Variants in DDX27 observed in about 807,000 individuals in gnomAD.
The protein encoded by DDX27 is DEAD-box helicase 27, also known as probable ATP-dependent RNA helicase DDX27.
Under a neutral mutation model 99.3 loss-of-function variants are expected in DDX27, and 42 were observed. That is an observed-to-expected ratio of 0.42 (90% CI 0.33 to 0.55). The LOEUF (loss-of-function observed/expected upper bound fraction) is 0.55, where lower values mean the gene tolerates loss of function less well. DDX27 is among the 20% of genes least tolerant of loss of function. The pLI, the probability that DDX27 is intolerant of heterozygous loss-of-function variation, is 0.07. For synonymous variants in DDX27, 329 were observed against 353.8 expected (o/e 0.93, Z 0.79); for missense variants, 798 against 976.8 (o/e 0.82, Z 2.44).
intron 7 of DDX27, among the ~76,000 whole-genome samples, chr20:49,226,856 A>AATTTTTT: frequency 3.5e-5 from 1 of 28,434 alleles, no homozygotes; most frequent in Non-Finnish European, 8.9e-5. Flanking sequence ...AGAGTAAAGG[A>AATTTTTT]CTTTTTTTTT....
chr20:49,219,671 G>A (rs553817349), intron 1 of DDX27, 130 bp downstream of exon 1: 2 of 974,276 alleles, frequency 2.1e-6, no homozygotes, highest in African/African-American at 3.4e-5. Context: ...ATCTCACCGG[G>A]ACCCCAAGAT....
intron 4 of DDX27, chr20:49,224,654 C>T (rs778875516): frequency 2.8e-5 from 9 of 327,264 alleles, no homozygotes; most frequent in Non-Finnish European, 4.5e-5. Flanking sequence ...GGAGCCACTG[C>T]TTCCGCCCTC....
intron 9 of DDX27, 120 bp from the exon 10 acceptor site, chr20:49,233,186 A>C: frequency 1.5e-6 from 1 of 669,648 alleles, no homozygotes; most frequent in Non-Finnish European, 2.6e-6. Flanking sequence ...AAAATAATAA[A>C]ATAGATGAGT....
Position 49,243,841 on chromosome 20 carries a change from T to C in DDX27, c.*7T>C. 1 of 1,614,162 alleles carries C rather than the reference T, an allele frequency of 6.2e-7. No individual in the cohort carries two copies. The highest frequency in any genetic ancestry group is 8.5e-7 in the Non-Finnish European group (1 of 1,180,014). ...ATACAAGAGGAGGAAGTAGCTGTCG[T>C]GGCCTGAAGAAATTCATGGGGGCAG... On this transcript the variant is annotated 3_prime_UTR_variant, in exon 21 of 21. Transcript: ENST00000618172.
rs1283952768 is a variant in DDX27 at position 49,228,897 on chromosome 20, C to G, written c.880+9C>G. ...CACCTGCCTGGCTGTGGGTGAGTTT[C>G]TGGCCAAGGGCTGCCAGCCCCTGAG... On this transcript the variant is annotated intron_variant, in intron 8 of 20. Transcript: ENST00000618172. 1 of 1,579,556 alleles carries G rather than the reference C, an allele frequency of 6.3e-7. No individual in the cohort carries two copies. The highest frequency in any genetic ancestry group is 1.1e-5 in the South Asian group (1 of 88,692).
intron 11 of DDX27, 197 bp from the exon 12 acceptor site, chr20:49,234,738 A>C: frequency 1.8e-6 from 1 of 541,020 alleles, no homozygotes; most frequent in Non-Finnish European, 3.1e-6. Context: ...TCGTCCCTGC[A>C]CTCTCTCTCA....
rs1401011094 is a variant in DDX27 at position 49,226,881 on chromosome 20, G to C, written c.706+346G>C. Among the ~76,000 whole-genome samples the C allele has an allele frequency of 5.3e-3, 17 of 3,232 alleles. 1 individual carries two copies. The highest frequency in any genetic ancestry group is 0.014 in the Non-Finnish European group (14 of 1,034). The allele number at this position is 3,232 out of a possible 152,430, so 2.1% of individuals were successfully genotyped here. A position where few individuals can be genotyped will look rare whatever the true frequency, so the allele number is the denominator to read the frequency against. ...ACTTTTTTTTTTTTTTTTTTTTTTT[G>C]AGACGGAGTCTCGCTCTGTCGCCCA... is the stretch of plus-strand genomic sequence containing the variant. On this transcript the variant is annotated intron_variant, in intron 7 of 20. Transcript: ENST00000618172.
rs200348961 is a variant in DDX27 at position 49,236,526 on chromosome 20, T to C, written c.1687+16T>C. On this transcript the variant is annotated intron_variant, in intron 14 of 20. Transcript: ENST00000618172. This position sits in a 1 kb window ranked among gnomAD's most constrained non-coding sequence, Gnocchi z 4.1. ...CTTCCCCAAGGTGAGCAGGCACCCC[T>C]GTGGCAGTGCAGAATGGCTCGGTGG... 2 of 1,553,682 alleles carry C rather than the reference T, an allele frequency of 1.3e-6. No individual in the cohort carries two copies. Among genetic ancestry groups the C allele is most frequent in the Non-Finnish European group, 1.7e-6 (2 of 1,148,922 alleles).
chr20:49,243,035 A>G lies in DDX27; in HGVS notation c.2204+354A>G, dbSNP rs567659671. 2.0e-5 allele frequency among the ~76,000 whole-genome samples: 3 copies of G among 152,180 alleles called. No individual in the cohort carries two copies. The East Asian group carries it at 5.8e-4, about 29-fold the overall frequency. On this transcript the variant is annotated intron_variant, in intron 19 of 20. Coordinates refer to ENST00000618172, the MANE Select transcript of DDX27 (RefSeq NM_017895.8). ...GTGCCCGGCGAGCCCTTGGTATTCT[A>G]ATGGAAGCTATGAGTCTTCTGCCTC...
At chr20:49,229,740 C>A (rs528518253) in intron 8 of DDX27, among the ~76,000 whole-genome samples, 1 of 151,826 alleles carries the variant, frequency 6.6e-6, no homozygotes, top group Admixed American at 6.6e-5. Flanking sequence ...CCTCCACCTC[C>A]TGGGTTCAAG....
intron 8 of DDX27, among the ~76,000 whole-genome samples, chr20:49,229,423 G>A (rs554673167): frequency 3.3e-5 from 5 of 152,082 alleles, no homozygotes; most frequent in African/African-American, 4.8e-5. Context: ...CATTTTTTTC[G>A]TGGTACTGAA....
chr20:49,224,306 G>T (rs1191515368), intron 4 of DDX27, among the ~76,000 whole-genome samples: 1 of 151,926 alleles, frequency 6.6e-6, no homozygotes, highest in Non-Finnish European at 1.5e-5. Flanking sequence ...ACTCATTTGG[G>T]GTGACATACT....
chr20:49,232,872 C>T (rs1324077341), intron 9 of DDX27: 4 of 156,960 alleles, frequency 2.5e-5, no homozygotes, highest in African/African-American at 5.0e-5. Context: ...CCCGGGAGGC[C>T]GAGATTGTGC....
At chr20:49,232,193 C>G (rs1980136818) in intron 9 of DDX27, among the ~76,000 whole-genome samples, 1 of 152,216 alleles carries the variant, frequency 6.6e-6, no homozygotes, top group Non-Finnish European at 1.5e-5. Flanking sequence ...GGCCCCAGCT[C>G]ATTTTTGTAT....
intron 20 of DDX27, 46 bp downstream of exon 20, chr20:49,243,749 T>C (rs949364543): frequency 6.2e-7 from 1 of 1,613,672 alleles, no homozygotes; most frequent in Non-Finnish European, 8.5e-7. Context: ...GGATTAGAGA[T>C]AAAAACCTTT....
At chr20:49,234,725 C>A in intron 11 of DDX27, 2 of 485,142 alleles carry the variant, frequency 4.1e-6, no homozygotes, top group South Asian at 8.1e-5. Context: ...AGCTGCTTCC[C>A]CCTCGTCCCT....
chr20:49,243,175 G>C (rs950135196), intron 19 of DDX27, among the ~76,000 whole-genome samples: 3 of 152,186 alleles, frequency 2.0e-5, no homozygotes, highest in Admixed American at 1.3e-4. Flanking sequence ...CCCAAGGTGA[G>C]AACAGGAGAG....
chr20:49,233,469 C>G, intron 10 of DDX27, 64 bp downstream of exon 10: 1 of 1,603,402 alleles, frequency 6.2e-7, no homozygotes, highest in Non-Finnish European at 8.5e-7. Context: ...TGCAGAGGAC[C>G]CTGGCTGGGC....
At chr20:49,227,316 C>A (rs1183076054) in intron 7 of DDX27, among the ~76,000 whole-genome samples, 3 of 152,302 alleles carry the variant, frequency 2.0e-5, no homozygotes, top group South Asian at 4.1e-4. Flanking sequence ...AGGAAATTGG[C>A]ACTGATACAA....
Sources: allele counts gnomAD v4.1 joint callset (sites outside exome capture counted in the v4.1 genomes callset), GRCh38; gene constraint gnomAD v4.1.1; non-coding constraint Gnocchi (gnomAD v3.1); transcripts MANE v1.5; gene names NCBI Gene and HGNC (gene_info 2026-07-23, HGNC 2026-07-21).